The following LPGAT1 variants were observed in gnomAD, a reference collection of about 807,000 sequenced individuals.
LPGAT1 encodes the protein acyl-CoA:lysophosphatidylglycerol acyltransferase 1.
A neutral mutation model predicts 47.5 loss-of-function variants in LPGAT1; 11 were observed. The observed-to-expected ratio is 0.23, with a 90% CI of 0.15 to 0.38. LPGAT1 has a LOEUF of 0.38. LPGAT1 is among the 10% of genes least tolerant of loss of function. LPGAT1 has a pLI of 1.00. For missense variants in LPGAT1, 293 were observed against 439.0 expected, an observed-to-expected ratio of 0.67 and a Z score of 2.97; for synonymous variants, 138 against 144.2, an observed-to-expected ratio of 0.96 and a Z score of 0.31.
At chr1:211,751,634 A>T (rs566260987) in intron 6 of LPGAT1, among the ~76,000 whole-genome samples, 103 of 152,272 alleles carry the variant, frequency 6.8e-4, no homozygotes, top group African/African-American at 2.4e-3. Context: ...GTCCTGACTC[A>T]CCAGGAAACA....
chr1:211,763,100 G>C (rs551532956), intron 6 of LPGAT1, among the ~76,000 whole-genome samples: 1 of 152,150 alleles, frequency 6.6e-6, no homozygotes, highest in Admixed American at 6.5e-5. Flanking sequence ...ATCTACTTAT[G>C]GCATGGGACA....
chr1:211,808,314 C>CA (rs1659838969), intron 2 of LPGAT1, among the ~76,000 whole-genome samples: 1 of 147,756 alleles, frequency 6.8e-6, no homozygotes, highest in Admixed American at 6.8e-5. Flanking sequence ...CACGCCATTG[C>CA]ACTCCAGTCT....
chr1:211,764,511 G>C (rs1657828174), intron 6 of LPGAT1, among the ~76,000 whole-genome samples: 1 of 152,130 alleles, frequency 6.6e-6, no homozygotes, highest in South Asian at 2.1e-4. Flanking sequence ...TAGATTTATG[G>C]ACAAAAACAG....
chr1:211,793,369 G>A (rs1488525778), intron 2 of LPGAT1, 179 bp from the exon 3 acceptor site: 2 of 301,400 alleles, frequency 6.6e-6, no homozygotes, highest in African/African-American at 4.4e-5. Context: ...CTTTTATAGA[G>A]CCCCCAAATA....
intron 6 of LPGAT1, among the ~76,000 whole-genome samples, chr1:211,773,594 G>A (rs115638592): frequency 0.024 from 3,633 of 152,226 alleles, 80 homozygotes; most frequent in South Asian, 0.11. Context: ...CACAAGGATC[G>A]TTTTCTCTAA....
intron 3 of LPGAT1, among the ~76,000 whole-genome samples, chr1:211,789,498 C>T (rs1210948474): frequency 1.3e-5 from 2 of 152,120 alleles, no homozygotes; most frequent in Non-Finnish European, 2.9e-5. Flanking sequence ...GTTTATAAAA[C>T]ATTTAATAAA....
At chr1:211,774,637 A>G (rs1230309478) in intron 6 of LPGAT1, among the ~76,000 whole-genome samples, 1 of 152,222 alleles carries the variant, frequency 6.6e-6, no homozygotes, top group Non-Finnish European at 1.5e-5. Flanking sequence ...AGGCTCTAGT[A>G]TACAACTCTG....
At position 211,745,493 on chromosome 1, in the gene LPGAT1, G is replaced by A. The variant is rs974297180; in HGVS notation, c.*4406C>T. ...ACACAATAAAAATAAAGCCATTCAA[G>A]ATATGTGTGCATACTTTGCAACTAG... On this transcript the variant is annotated 3_prime_UTR_variant, in exon 8 of 8. Transcript: ENST00000366997. The A allele has an allele frequency of 6.6e-6, 1 of 152,158 alleles. No individual in the cohort carries two copies. The highest frequency in any genetic ancestry group is 6.5e-5 in the Admixed American group (1 of 15,276). The allele number at this position is 152,158 out of a possible 1,614,324, so 9.4% of individuals were successfully genotyped here. A position where few individuals can be genotyped will look rare whatever the true frequency, so the allele number is the denominator to read the frequency against.
At chr1:211,783,152 A>C (rs1658711160) in intron 5 of LPGAT1, 77 bp downstream of exon 5, 1 of 1,271,764 alleles carries the variant, frequency 7.9e-7, no homozygotes, top group African/African-American at 1.5e-5. Context: ...AATATAAAAA[A>C]GAACAATGAT....
At chr1:211,774,739 T>C (rs1571714794) in intron 6 of LPGAT1, among the ~76,000 whole-genome samples, 1 of 152,224 alleles carries the variant, frequency 6.6e-6, no homozygotes, top group East Asian at 1.9e-4. Flanking sequence ...GTGTTTCATA[T>C]ATAACATGTC....
chr1:211,810,432 T>C (rs1323862729), intron 2 of LPGAT1, among the ~76,000 whole-genome samples: 1 of 152,172 alleles, frequency 6.6e-6, no homozygotes, highest in Non-Finnish European at 1.5e-5. Context: ...AACAGATGTA[T>C]GCCCTGGAGT....
Position 211,750,992 on chromosome 1 carries a change from T to G in LPGAT1, c.930A>C (p.Lys310Asn), listed in dbSNP as rs1415283912. 6.2e-7 allele frequency: 1 copy of G among 1,613,650 alleles called. No individual in the cohort carries two copies. Among genetic ancestry groups the G allele is most frequent in the Admixed American group, 1.7e-5 (1 of 60,028 alleles). The change falls in exon 7 of 8, where the codon AAA becomes AAC. Residue 310 changes from lysine to asparagine, a missense_variant. By Grantham distance (94) the Lys-to-Asn change is moderately conservative. Coordinates refer to ENST00000366997, the MANE Select transcript of LPGAT1 (RefSeq NM_014873.3). ...TTWLYQRFVE[K>N]EDLLSHFYET... ...CATAAAAATGTGATAAGAGGTCTTC[T>G]TTTTCAACAAACCGCTGATAGAGCC...
intron 2 of LPGAT1, among the ~76,000 whole-genome samples, chr1:211,809,627 T>C (rs1488779729): frequency 6.6e-6 from 1 of 152,136 alleles, no homozygotes; most frequent in Non-Finnish European, 1.5e-5. Flanking sequence ...GCTGTTCTCA[T>C]GATAGTGAAT....
At chr1:211,780,838 A>C (rs1422030137) in intron 5 of LPGAT1, among the ~76,000 whole-genome samples, 2 of 152,190 alleles carry the variant, frequency 1.3e-5, no homozygotes, top group Non-Finnish European at 2.9e-5. Context: ...TGAAGAGATA[A>C]TCTAGTTAGT....
At chr1:211,825,198 T>TC (rs1450909875) in intron 2 of LPGAT1, among the ~76,000 whole-genome samples, 2 of 135,396 alleles carry the variant, frequency 1.5e-5, no homozygotes, top group Non-Finnish European at 3.2e-5. Flanking sequence ...CTTTTTTTTT[T>TC]TTTTTTTTTT....
intron 6 of LPGAT1, among the ~76,000 whole-genome samples, chr1:211,756,842 A>C (rs1357456249): frequency 6.6e-6 from 1 of 150,560 alleles, no homozygotes; most frequent in Non-Finnish European, 1.5e-5. Flanking sequence ...TCCCTTCTAC[A>C]ACAGTGTTTG....
At chr1:211,799,967 G>A (rs926639593) in intron 2 of LPGAT1, among the ~76,000 whole-genome samples, 1 of 151,930 alleles carries the variant, frequency 6.6e-6, no homozygotes, top group Non-Finnish European at 1.5e-5. Context: ...CCATCTCTAA[G>A]TCCAGTGGAC....
At chr1:211,758,250 A>G (rs948924185) in intron 6 of LPGAT1, among the ~76,000 whole-genome samples, 4 of 152,224 alleles carry the variant, frequency 2.6e-5, no homozygotes, top group Non-Finnish European at 4.4e-5. Flanking sequence ...GGTTAGGCTC[A>G]ATTTGAGTCA....
chr1:211,807,043 C>T (rs929807084), intron 2 of LPGAT1, among the ~76,000 whole-genome samples: 11 of 152,064 alleles, frequency 7.2e-5, no homozygotes, highest in South Asian at 2.1e-4. Flanking sequence ...TTACAAAAAA[C>T]GCCTATTCCC....
Sources: allele counts gnomAD v4.1 joint callset (sites outside exome capture counted in the v4.1 genomes callset), GRCh38; gene constraint gnomAD v4.1.1; transcripts MANE v1.5; gene names NCBI Gene and HGNC (gene_info 2026-07-23, HGNC 2026-07-21).